CADPS2: variants seen among roughly 807,000 people sequenced by gnomAD.
The protein encoded by CADPS2 is calcium dependent secretion activator 2.
A neutral mutation model predicts 172.5 loss-of-function variants in CADPS2; 93 were observed. The ratio of observed to expected loss-of-function variants is 0.54; its 90% CI spans 0.46 to 0.64. CADPS2 has a LOEUF of 0.64. Among genes scored for constraint, CADPS2 ranks in the 30% least tolerant of loss-of-function variants. The pLI, the probability that CADPS2 is intolerant of heterozygous loss-of-function variation, is 0.00. For missense variants in CADPS2, 1,420 were observed against 1,565.9 expected (o/e 0.91, Z 1.57); for synonymous variants, 546 against 555.2 (o/e 0.98, Z 0.23).
At chr7:122,707,994 C>A (rs181864413) in intron 2 of CADPS2, among the ~76,000 whole-genome samples, 2 of 151,640 alleles carry the variant, frequency 1.3e-5, no homozygotes, top group Non-Finnish European at 2.9e-5. Flanking sequence ...ATGTGTATAA[C>A]ATGATGCTGT....
chr7:122,353,027 C>T (rs2151056176), intron 27 of CADPS2, among the ~76,000 whole-genome samples: 1 of 152,262 alleles, frequency 6.6e-6, no homozygotes, highest in East Asian at 1.9e-4. Flanking sequence ...ATTCAAAGCA[C>T]ATTCACGTTA....
At chr7:122,608,227 AG>A (rs1423737767) in intron 6 of CADPS2, among the ~76,000 whole-genome samples, 110 of 151,488 alleles carry the variant, frequency 7.3e-4, no homozygotes, top group Admixed American at 1.4e-3. Flanking sequence ...AAAAAAAAAA[AG>A]AAGGCACAGT....
At chr7:122,834,983 C>T (rs979257741) in intron 1 of CADPS2, among the ~76,000 whole-genome samples, 7 of 152,212 alleles carry the variant, frequency 4.6e-5, no homozygotes, top group Admixed American at 1.3e-4. Flanking sequence ...GACAGACTGC[C>T]TCCTCAAGTG....
At chr7:122,442,500 G>A (rs2051487374) in intron 15 of CADPS2, among the ~76,000 whole-genome samples, 1 of 152,094 alleles carries the variant, frequency 6.6e-6, no homozygotes, top group Non-Finnish European at 1.5e-5. Context: ...AGAAGTTTAT[G>A]TATCTCCATG....
chr7:122,711,241 A>C (rs2088665065), intron 2 of CADPS2, among the ~76,000 whole-genome samples: 1 of 152,182 alleles, frequency 6.6e-6, no homozygotes, highest in Admixed American at 6.6e-5. Flanking sequence ...ATATGGAATA[A>C]TATGCAGCCA....
intron 1 of CADPS2, among the ~76,000 whole-genome samples, chr7:122,764,878 T>C (rs1589066275): frequency 6.6e-6 from 1 of 152,152 alleles, no homozygotes; most frequent in African/African-American, 2.4e-5. Flanking sequence ...AGCCTTATTT[T>C]CCCCATCTAC....
chr7:122,711,953 G>T (rs942088122), intron 2 of CADPS2, among the ~76,000 whole-genome samples: 1 of 151,868 alleles, frequency 6.6e-6, no homozygotes, highest in African/African-American at 2.4e-5. Flanking sequence ...GTCCAGCCAT[G>T]TTTTTTATTT....
rs749966060 is a variant in CADPS2 at position 122,388,707 on chromosome 7, A to C, written c.3040T>G (p.Trp1014Gly). Reference sequence around the variant, plus strand: ...AACATTTGCAGTGCATCAAGCTTCCAAAAAAGGTCTTCTGATGTTGCTGAG... The same window carrying C: ...AACATTTGCAGTGCATCAAGCTTCCCAAAAAGGTCTTCTGATGTTGCTGAG... ...NGSATSEDLF[W>G]KLDALQMFVF... The change falls in exon 23 of 30, where the codon TGG becomes GGG. Residue 1014 changes from tryptophan (W) to glycine (G), a missense_variant. Physicochemically the swap from Trp to Gly is radical, Grantham distance 184. Transcript: ENST00000449022. 3.1e-6 allele frequency: 5 copies of C among 1,607,574 alleles called. No homozygotes were observed. In the African/African-American group the frequency reaches 6.7e-5, roughly 22 times the overall value.
At position 122,611,121 on chromosome 7, in the gene CADPS2, T is replaced by C. The variant is rs558073789; in HGVS notation, c.1223+4060A>G. 2.6e-5 allele frequency among the ~76,000 whole-genome samples: 4 copies of C among 151,890 alleles called. No homozygotes were observed. In the South Asian group the frequency reaches 6.2e-4, roughly 24 times the overall value. Reference sequence around the variant, plus strand: ...TGCCTATTTTAAGAAAAAAGAAAGATCTCAAATCAAAAGCCTAACCTTTCA... The same window carrying C: ...TGCCTATTTTAAGAAAAAAGAAAGACCTCAAATCAAAAGCCTAACCTTTCA... On this transcript the variant is annotated intron_variant, in intron 6 of 29. Transcript: ENST00000449022.
intron 1 of CADPS2, among the ~76,000 whole-genome samples, chr7:122,745,289 T>C (rs1362184435): frequency 1.3e-5 from 2 of 152,010 alleles, no homozygotes; most frequent in Non-Finnish European, 2.9e-5. Context: ...TTCTAACATG[T>C]CTGATTAATC....
chr7:122,864,381 G>A (rs1222221742), intron 1 of CADPS2, among the ~76,000 whole-genome samples: 2 of 152,128 alleles, frequency 1.3e-5, no homozygotes, highest in African/African-American at 4.8e-5. Flanking sequence ...TTGGGAGGCT[G>A]GGTCAGGAGG....
intron 1 of CADPS2, among the ~76,000 whole-genome samples, chr7:122,814,761 C>A (rs754535546): frequency 4.7e-4 from 71 of 152,022 alleles, no homozygotes; most frequent in Admixed American, 1.2e-3. Flanking sequence ...TAAATTGAAT[C>A]CGTTGTTTTC....
intron 28 of CADPS2, among the ~76,000 whole-genome samples, chr7:122,329,353 T>C (rs1266555454): frequency 1.3e-5 from 2 of 152,056 alleles, no homozygotes; most frequent in Non-Finnish European, 2.9e-5. Flanking sequence ...ATCTCCTAAA[T>C]AGTGCAGCTG....
Position 122,415,928 on chromosome 7 carries a change from C to T in CADPS2, c.2580+133G>A, listed in dbSNP as rs1450237906. 1.7e-5 allele frequency: 8 copies of T among 483,594 alleles called. No individual in the cohort carries two copies. In the East Asian group the frequency reaches 2.3e-4, roughly 14 times the overall value. The allele number at this position is 483,594 out of a possible 1,614,324, so 30.0% of individuals were successfully genotyped here. A position where few individuals can be genotyped will look rare whatever the true frequency, so the allele number is the denominator to read the frequency against. On this transcript the variant is annotated intron_variant, in intron 18 of 29. Transcript: ENST00000449022. ...TGTACAGTGATGCAGTGAAACACTG[C>T]TTATCGTTGGTGCTTATTCGTTAAA...
At chr7:122,413,369 G>C (rs2047529946) in intron 19 of CADPS2, among the ~76,000 whole-genome samples, 1 of 152,212 alleles carries the variant, frequency 6.6e-6, no homozygotes, top group South Asian at 2.1e-4. Context: ...AGAAAAGCCT[G>C]AGAAGAGAGG....
At chr7:122,505,908 A>T (rs1469669199) in intron 9 of CADPS2, among the ~76,000 whole-genome samples, 1 of 152,188 alleles carries the variant, frequency 6.6e-6, no homozygotes, top group African/African-American at 2.4e-5. Context: ...CCAAGGCCAG[A>T]CCTAGAACAA....
At chr7:122,591,370 A>G (rs1382761106) in intron 6 of CADPS2, among the ~76,000 whole-genome samples, 1 of 152,164 alleles carries the variant, frequency 6.6e-6, no homozygotes, top group Non-Finnish European at 1.5e-5. Flanking sequence ...TTCCATGCTC[A>G]TGGTTAGGAA....
chr7:122,636,786 T>C (rs1236856850), intron 3 of CADPS2, among the ~76,000 whole-genome samples: 3 of 152,106 alleles, frequency 2.0e-5, no homozygotes, highest in Non-Finnish European at 4.4e-5. Context: ...AAGATTTTTT[T>C]GTTGTTGTTG....
intron 3 of CADPS2, among the ~76,000 whole-genome samples, chr7:122,633,922 C>T (rs929019437): frequency 2.0e-5 from 3 of 152,200 alleles, no homozygotes; most frequent in African/African-American, 7.2e-5. Flanking sequence ...TTATTGAAGG[C>T]TTTTTCTGCA....
Sources: gnomAD v4.1 joint callset for allele counts (sites outside exome capture counted in the v4.1 genomes callset) on GRCh38, gnomAD v4.1.1 for gene constraint, MANE v1.5 for transcripts, NCBI Gene and HGNC (gene_info 2026-07-23, HGNC 2026-07-21) for gene names.